The following CLINT1 variants were observed in gnomAD, a reference collection of about 807,000 sequenced individuals.
CLINT1 encodes clathrin interacting protein localized in the trans-Golgi region.
Under a neutral mutation model 70.4 loss-of-function variants are expected in CLINT1, and 15 were observed. The observed-to-expected ratio is 0.21, with a 90% CI of 0.14 to 0.33. The LOEUF (loss-of-function observed/expected upper bound fraction) is 0.33. Ranked by LOEUF, CLINT1 falls within the 10% of genes least tolerant of loss-of-function variation. The pLI is 1.00. For missense variants in CLINT1, 615 were observed against 778.1 expected, an observed-to-expected ratio of 0.79 and a Z score of 2.49; for synonymous variants, 227 against 254.7, an observed-to-expected ratio of 0.89 and a Z score of 1.04.
At chr5:157,852,750 C>A (rs1753616659) in intron 1 of CLINT1, among the ~76,000 whole-genome samples, 3 of 152,160 alleles carry the variant, frequency 2.0e-5, no homozygotes, top group Admixed American at 2.0e-4. Flanking sequence ...TAGCTATTCC[C>A]ACATTTATTA....
intron 1 of CLINT1, among the ~76,000 whole-genome samples, chr5:157,821,576 T>C (rs1262992131): frequency 6.6e-6 from 1 of 152,230 alleles, no homozygotes; most frequent in African/African-American, 2.4e-5. Flanking sequence ...CCTTCTCACA[T>C]GTGTTCTATC....
At position 157,850,043 on chromosome 5, in the gene CLINT1, A is replaced by G. The variant is rs57455641; in HGVS notation, c.41+8887T>C. On this transcript the variant is annotated intron_variant, in intron 1 of 11. Coordinates refer to ENST00000411809, the MANE Select transcript of CLINT1 (RefSeq NM_014666.4). The stretch of plus-strand genomic sequence containing the variant: ...AGTGTGAGTGCATACTATGTAATAC[A>G]GGAGGTCCACTGAACAGAACAGAGA... Among the ~76,000 whole-genome samples, 1,452 of 152,302 alleles carry G rather than the reference A, an allele frequency of 9.5e-3. 15 individuals carry two copies. Among genetic ancestry groups the G allele is most frequent in the African/African-American group, 0.032 (1,333 of 41,566 alleles).
chr5:157,830,475 G>C (rs1298436330), intron 1 of CLINT1, among the ~76,000 whole-genome samples: 1 of 151,740 alleles, frequency 6.6e-6, no homozygotes, highest in Non-Finnish European at 1.5e-5. Context: ...TTCCTACCTT[G>C]CTTATTTTCA....
At chr5:157,803,934 C>T (rs1326798460) in intron 7 of CLINT1, among the ~76,000 whole-genome samples, 1 of 151,318 alleles carries the variant, frequency 6.6e-6, no homozygotes, top group African/African-American at 2.4e-5. Context: ...AGTCTCTTAA[C>T]ATTGACACTT....
At position 157,787,727 on chromosome 5, in the gene CLINT1, G is replaced by C. The variant is rs769033835; in HGVS notation, c.1797C>G (p.Gly599=). 6.2e-7 allele frequency: 1 copy of C among 1,614,026 alleles called. No individual in the cohort carries two copies. Among genetic ancestry groups the C allele is most frequent in the Admixed American group, 1.7e-5 (1 of 60,024 alleles). ...CAGAAGTCATGGCTATGTTGGGCAT[G>C]CCCATTCCCATTGTGCCTGTCAAGC... is the stretch of plus-strand genomic sequence containing the variant. ...GMGLTGTMGM[G]MPNIAMTSGT... is the part of the protein sequence containing the mutation. The change falls in exon 12 of 12, where the codon GGC becomes GGG. Residue 599 remains glycine (G), a synonymous_variant. Coordinates refer to ENST00000411809, the MANE Select transcript of CLINT1 (RefSeq NM_014666.4).
intron 3 of CLINT1, 74 bp from the exon 4 acceptor site, chr5:157,814,367 ATAAT>A (rs1762648070): frequency 1.0e-6 from 1 of 983,256 alleles, no homozygotes. Flanking sequence ...GTTAAAAAAA[ATAAT>A]TCTAACATTA....
intron 1 of CLINT1, among the ~76,000 whole-genome samples, chr5:157,854,977 G>C (rs1427542745): frequency 6.6e-6 from 1 of 151,910 alleles, no homozygotes; most frequent in Non-Finnish European, 1.5e-5. Flanking sequence ...AACCTCAGCT[G>C]TATGAAAAAT....
chr5:157,856,779 T>C (rs1473113127), intron 1 of CLINT1, among the ~76,000 whole-genome samples: 2 of 152,240 alleles, frequency 1.3e-5, no homozygotes, highest in African/African-American at 4.8e-5. Flanking sequence ...AACATTCTTC[T>C]ATGTTCTTGA....
At position 157,806,111 on chromosome 5, in the gene CLINT1, C is replaced by A; in HGVS notation, c.697G>T (p.Asp233Tyr). The A allele has an allele frequency of 1.2e-6, 2 of 1,612,598 alleles. No individual in the cohort carries two copies. Among genetic ancestry groups the A allele is most frequent in the Non-Finnish European group, 8.5e-7 (1 of 1,179,366 alleles). Residue 233 changes from aspartate to tyrosine, a missense_variant and splice_region_variant, in exon 7 of 12, where the codon GAC becomes TAC. Around this residue, in one of 2 missense-constraint regions of CLINT1, gnomAD observed 241 missense variants for 368.6 expected, o/e 0.65. Coordinates refer to ENST00000411809, the MANE Select transcript of CLINT1 (RefSeq NM_014666.4). Reference sequence around the variant, plus strand: ...CTCGCTTTCTTTTCCTCATCGCTGTCGCTAAAAGATATTAAAAATGAAGCA... The same window carrying A: ...CTCGCTTTCTTTTCCTCATCGCTGTAGCTAAAAGATATTAAAAATGAAGCA... ...DREDSPERCS[D>Y]SDEEKKARRG...
intron 1 of CLINT1, among the ~76,000 whole-genome samples, chr5:157,840,985 G>A (rs1245435051): frequency 6.6e-6 from 1 of 152,170 alleles, no homozygotes; most frequent in African/African-American, 2.4e-5. Context: ...GTTGTAGTCA[G>A]GTGCAGTGGT....
chr5:157,847,764 G>C (rs1753432425), intron 1 of CLINT1, among the ~76,000 whole-genome samples: 1 of 152,172 alleles, frequency 6.6e-6, no homozygotes, highest in South Asian at 2.1e-4. Context: ...GTGGTTTCTT[G>C]AGATGGACTC....
At chr5:157,818,567 T>C (rs905181849) in intron 1 of CLINT1, among the ~76,000 whole-genome samples, 1 of 151,496 alleles carries the variant, frequency 6.6e-6, no homozygotes, top group Non-Finnish European at 1.5e-5. Flanking sequence ...GAAGATTGTT[T>C]GATTCCAGTA....
At chr5:157,795,828 G>C (rs1368374966) in intron 8 of CLINT1, 1 of 152,150 alleles carries the variant, frequency 6.6e-6, no homozygotes, top group Non-Finnish European at 1.5e-5. Flanking sequence ...CAGGAGTTGA[G>C]AGATCAGCCT....
intron 1 of CLINT1, among the ~76,000 whole-genome samples, chr5:157,821,562 G>T (rs1193086340): frequency 2.6e-5 from 4 of 152,114 alleles, no homozygotes; most frequent in African/African-American, 9.7e-5. Context: ...AGTACAAAAT[G>T]AGCCCTTCTC....
chr5:157,830,794 CTCTA>C lies in CLINT1; in HGVS notation c.42-13251_42-13248del, dbSNP rs1487836785. Among the ~76,000 whole-genome samples, 852 of 106,616 alleles carry C rather than the reference CTCTA, an allele frequency of 8.0e-3. 1 individual carries two copies. The highest frequency in any genetic ancestry group is 0.011 in the Non-Finnish European group (624 of 54,454). 69.9% of individuals were successfully genotyped at this position (106,616 alleles called of 152,430 possible). The stretch of plus-strand genomic sequence containing the variant: ...TCTCTCTCTCTCTCTCTCTCTCTCT[CTCTA>C]TATATATATATATATATAGAAACAC... On this transcript the variant is annotated intron_variant, in intron 1 of 11. Coordinates refer to ENST00000411809, the MANE Select transcript of CLINT1 (RefSeq NM_014666.4).
At chr5:157,829,560 G>A (rs1462196852) in intron 1 of CLINT1, among the ~76,000 whole-genome samples, 1 of 151,956 alleles carries the variant, frequency 6.6e-6, no homozygotes, top group Non-Finnish European at 1.5e-5. Context: ...CGTTCCAATT[G>A]CCCAGGCTGG....
At chr5:157,834,572 C>T (rs1434975918) in intron 1 of CLINT1, among the ~76,000 whole-genome samples, 3 of 152,196 alleles carry the variant, frequency 2.0e-5, no homozygotes, top group Admixed American at 6.5e-5. Context: ...CCCTCTGTTT[C>T]GTTTCCTTTA....
intron 10 of CLINT1, among the ~76,000 whole-genome samples, chr5:157,790,815 A>G (rs1288818382): frequency 1.3e-5 from 2 of 152,234 alleles, no homozygotes; most frequent in African/African-American, 4.8e-5. Context: ...TAAAATAGTG[A>G]ATTAAGAAGC....
chr5:157,830,752 CTCTCCCTCT>C (rs1763200372), intron 1 of CLINT1, among the ~76,000 whole-genome samples: 1 of 111,120 alleles, frequency 9.0e-6, no homozygotes, highest in African/African-American at 3.7e-5. Context: ...CCCTCCCTCT[CTCTCCCTCT>C]CTCTCTCTCT....
Sources: gnomAD v4.1 joint callset for allele counts (sites outside exome capture counted in the v4.1 genomes callset) on GRCh38, gnomAD v4.1.1 for gene constraint, gnomAD v4.1.1 regional missense constraint, MANE v1.5 for transcripts, NCBI Gene and HGNC (gene_info 2026-07-23, HGNC 2026-07-21) for gene names.